LUZP2: variants seen among roughly 807,000 people sequenced by gnomAD.
LUZP2 encodes the protein leucine zipper protein 2.
Under a neutral mutation model 51.6 loss-of-function variants are expected in LUZP2, and 52 were observed. The ratio of observed to expected loss-of-function variants is 1.01; its 90% CI spans 0.81 to 1.27. The LOEUF is 1.27. Ranked by LOEUF, LUZP2 falls within the 50% of genes most tolerant of loss-of-function variation. The pLI is 0.00. For missense variants in LUZP2, 436 were observed against 395.4 expected, an observed-to-expected ratio of 1.10 and a Z score of -0.87; for synonymous variants, 154 against 137.3, an observed-to-expected ratio of 1.12 and a Z score of -0.85.
intron 1 of LUZP2, among the ~76,000 whole-genome samples, chr11:24,601,079 A>G (rs1853618835): frequency 6.6e-6 from 1 of 152,098 alleles, no homozygotes; most frequent in Non-Finnish European, 1.5e-5. Flanking sequence ...CCTTTTCCTT[A>G]GGTGAAGACA....
chr11:24,607,253 A>G (rs973352858), intron 1 of LUZP2, among the ~76,000 whole-genome samples: 2 of 149,416 alleles, frequency 1.3e-5, no homozygotes, highest in Non-Finnish European at 3.0e-5. Context: ...GTTTTCTTCT[A>G]ATTATTTTAT....
At chr11:24,641,470 G>C (rs567472122) in intron 1 of LUZP2, among the ~76,000 whole-genome samples, 1 of 151,810 alleles carries the variant, frequency 6.6e-6, no homozygotes, top group African/African-American at 2.4e-5. Flanking sequence ...AAAAAGACAA[G>C]AAATGTAGTA....
rs114227267 is a variant in LUZP2 at position 24,705,430 on chromosome 11, C to T, written c.63-23739C>T. 6.5e-3 allele frequency among the ~76,000 whole-genome samples: 987 copies of T among 152,140 alleles called. 17 individuals carry two copies. Among genetic ancestry groups the T allele is most frequent in the African/African-American group, 0.022 (912 of 41,486 alleles). On this transcript the variant is annotated intron_variant, in intron 1 of 11. Coordinates refer to ENST00000336930, the MANE Select transcript of LUZP2 (RefSeq NM_001009909.4). ...TCAAGTAATAAGATTTATGAAATTC[C>T]GGAACAGTATATAGTGTTCTAAGAT...
intron 1 of LUZP2, among the ~76,000 whole-genome samples, chr11:24,517,483 CAAAAAAAAAAAAA>C (rs71041768): frequency 9.1e-5 from 4 of 44,146 alleles, no homozygotes; most frequent in African/African-American, 2.5e-4. Flanking sequence ...CAGACGCCGT[CAAAAAAAAAAAAA>C]AAAAAAAAAA....
At chr11:24,984,415 G>A (rs892928709) in intron 9 of LUZP2, among the ~76,000 whole-genome samples, 1 of 150,102 alleles carries the variant, frequency 6.7e-6, no homozygotes, top group Non-Finnish European at 1.5e-5. Context: ...GATTTAGTCT[G>A]TATGAGATCC....
intron 8 of LUZP2, among the ~76,000 whole-genome samples, chr11:24,980,718 G>C (rs552425805): frequency 6.6e-6 from 1 of 151,882 alleles, no homozygotes; most frequent in Non-Finnish European, 1.5e-5. Context: ...ACCATTCCTG[G>C]AAAGGGTGAT....
intron 5 of LUZP2, among the ~76,000 whole-genome samples, chr11:24,764,627 G>A (rs1040541421): frequency 2.0e-5 from 3 of 151,752 alleles, no homozygotes; most frequent in Non-Finnish European, 4.4e-5. Flanking sequence ...TCATGTCACT[G>A]AATTTCAGCC....
chr11:24,787,654 CTATT>C (rs1182777907), intron 5 of LUZP2, among the ~76,000 whole-genome samples: 1 of 152,052 alleles, frequency 6.6e-6, no homozygotes, highest in African/African-American at 2.4e-5. Flanking sequence ...ACACTCACCT[CTATT>C]TATTTTCTAT....
At chr11:25,008,540 G>C (rs112247227) in intron 9 of LUZP2, among the ~76,000 whole-genome samples, 23 of 152,272 alleles carry the variant, frequency 1.5e-4, no homozygotes, top group African/African-American at 5.1e-4. Flanking sequence ...TGGTGAACTG[G>C]GGCATGTGAC....
chr11:25,013,883 A>T (rs1161876546), intron 9 of LUZP2, among the ~76,000 whole-genome samples: 1 of 151,970 alleles, frequency 6.6e-6, no homozygotes, highest in Non-Finnish European at 1.5e-5. Flanking sequence ...ATATCTCCTA[A>T]TGCTATCCCT....
chr11:24,930,985 G>C (rs2133833708), intron 7 of LUZP2, among the ~76,000 whole-genome samples: 1 of 152,118 alleles, frequency 6.6e-6, no homozygotes, highest in South Asian at 2.1e-4. Flanking sequence ...AAGCCAAGGT[G>C]GGTGGATCAC....
intron 5 of LUZP2, among the ~76,000 whole-genome samples, chr11:24,870,797 A>AT (rs1852047440): frequency 6.6e-6 from 1 of 152,218 alleles, no homozygotes; most frequent in East Asian, 1.9e-4. Context: ...TCATTCTATT[A>AT]TAATCTTCAT....
At chr11:25,018,049 T>TTTTTGTTTTG (rs1857211043) in intron 9 of LUZP2, among the ~76,000 whole-genome samples, 1 of 100,968 alleles carries the variant, frequency 9.9e-6, no homozygotes, top group Non-Finnish European at 2.1e-5. Flanking sequence ...TTTTTTTTTG[T>TTTTTGTTTTG]TTTTTTTTTT....
intron 6 of LUZP2, among the ~76,000 whole-genome samples, chr11:24,908,502 A>G (rs1853528533): frequency 6.6e-6 from 1 of 152,116 alleles, no homozygotes; most frequent in African/African-American, 2.4e-5. Context: ...TCTTATGAAA[A>G]CTTTATGACT....
chr11:24,997,621 T>G (rs1320627273), intron 9 of LUZP2, among the ~76,000 whole-genome samples: 1 of 152,054 alleles, frequency 6.6e-6, no homozygotes, highest in Non-Finnish European at 1.5e-5. Context: ...CTCTTTAGTT[T>G]AATTAGATCC....
At chr11:24,659,426 G>T (rs1015900270) in intron 1 of LUZP2, among the ~76,000 whole-genome samples, 1 of 152,044 alleles carries the variant, frequency 6.6e-6, no homozygotes, top group South Asian at 2.1e-4. Context: ...GTTGTGGGGT[G>T]GGGGGAGCGG....
At chr11:24,888,604 C>G (rs978684042) in intron 5 of LUZP2, among the ~76,000 whole-genome samples, 1 of 152,086 alleles carries the variant, frequency 6.6e-6, no homozygotes, top group Admixed American at 6.6e-5. Context: ...CTGACACATA[C>G]GCATGCTGAG....
chr11:24,980,566 G>T (rs1856000298), intron 8 of LUZP2, among the ~76,000 whole-genome samples: 1 of 151,512 alleles, frequency 6.6e-6, no homozygotes, highest in African/African-American at 2.4e-5. Flanking sequence ...AGAAACTGAT[G>T]ATGCCACAGA....
At chr11:24,844,487 C>CA (rs1351466435) in intron 5 of LUZP2, among the ~76,000 whole-genome samples, 1 of 152,046 alleles carries the variant, frequency 6.6e-6, no homozygotes, top group Non-Finnish European at 1.5e-5. Context: ...CCTGACAATA[C>CA]AATAGAAAAG....
Sources: gnomAD v4.1 joint callset for allele counts (sites outside exome capture counted in the v4.1 genomes callset) on GRCh38, gnomAD v4.1.1 for gene constraint, MANE v1.5 for transcripts, NCBI Gene and HGNC (gene_info 2026-07-23, HGNC 2026-07-21) for gene names.